Variants in RALGAPA2 observed in about 807,000 individuals in gnomAD.
RALGAPA2 encodes the protein Ral GTPase activating protein catalytic subunit alpha 2.
RALGAPA2 carries 139 observed loss-of-function variants against 230.4 expected under a neutral mutation model. The observed-to-expected ratio is 0.60, with a 90% CI of 0.53 to 0.69. The LOEUF (loss-of-function observed/expected upper bound fraction) is 0.69. Ranked by LOEUF, RALGAPA2 falls within the 30% of genes least tolerant of loss-of-function variation. The pLI, the probability that RALGAPA2 is intolerant of heterozygous loss-of-function variation, is 0.00. For synonymous variants in RALGAPA2, 847 were observed against 837.8 expected, an observed-to-expected ratio of 1.01 and a Z score of -0.19; for missense variants, 2,163 against 2,276.0, an observed-to-expected ratio of 0.95 and a Z score of 1.01.
chr20:20,515,124 A>G (rs1197519565), intron 31 of RALGAPA2, among the ~76,000 whole-genome samples: 1 of 152,194 alleles, frequency 6.6e-6, no homozygotes, highest in Non-Finnish European at 1.5e-5. Flanking sequence ...GGACCACTCC[A>G]TTGCCTGAGG....
intron 2 of RALGAPA2, among the ~76,000 whole-genome samples, chr20:20,678,813 C>T (rs905216089): frequency 2.6e-5 from 4 of 152,084 alleles, no homozygotes; most frequent in African/African-American, 9.7e-5. Flanking sequence ...GTTTGGCTTC[C>T]GACCTGCTCC....
At chr20:20,587,279 TG>T (rs577858197) in intron 18 of RALGAPA2, among the ~76,000 whole-genome samples, 1 of 151,168 alleles carries the variant, frequency 6.6e-6, no homozygotes, top group African/African-American at 2.4e-5. Context: ...GAGAAAGAGG[TG>T]GGAAAACTAT....
chr20:20,522,680 C>T (rs1419716521), intron 30 of RALGAPA2, among the ~76,000 whole-genome samples: 1 of 152,194 alleles, frequency 6.6e-6, no homozygotes, highest in Non-Finnish European at 1.5e-5. Flanking sequence ...CTTTCACTTA[C>T]AGACTGATGC....
chr20:20,554,306 C>T (rs2145781756), intron 23 of RALGAPA2, among the ~76,000 whole-genome samples: 1 of 152,290 alleles, frequency 6.6e-6, no homozygotes, highest in South Asian at 2.1e-4. Context: ...CAAGGTTCAT[C>T]CACGTTGTGG....
chr20:20,497,369 G>A (rs1342752472), intron 35 of RALGAPA2, among the ~76,000 whole-genome samples: 1 of 152,150 alleles, frequency 6.6e-6, no homozygotes, highest in African/African-American at 2.4e-5. Context: ...AACTGTAGGA[G>A]GAATTGAGAC....
In RALGAPA2 at chr20:20,603,542, C is replaced by T. The variant is rs6046954; in HGVS notation, c.2038+1633G>A. ...AAATGCACTTGAAAATTTGAGCTTA[C>T]CCTCTTACTGCCCCTGAAACTCTAA... On this transcript the variant is annotated intron_variant, in intron 15 of 39. Coordinates refer to ENST00000202677, the MANE Select transcript of RALGAPA2 (RefSeq NM_020343.4). 3.5e-3 allele frequency among the ~76,000 whole-genome samples: 530 copies of T among 152,282 alleles called. 5 individuals carry two copies. Among genetic ancestry groups the T allele is most frequent in the African/African-American group, 0.012 (500 of 41,560 alleles).
At chr20:20,592,839 T>A (rs2065334225) in intron 16 of RALGAPA2, among the ~76,000 whole-genome samples, 1 of 152,176 alleles carries the variant, frequency 6.6e-6, no homozygotes, top group Non-Finnish European at 1.5e-5. Flanking sequence ...ATTTTTTCTA[T>A]CCAAATGAAA....
intron 26 of RALGAPA2, 56 bp downstream of exon 26, chr20:20,535,689 C>T (rs1410567758): frequency 3.9e-6 from 6 of 1,519,758 alleles, no homozygotes; most frequent in African/African-American, 2.8e-5. Flanking sequence ...TAACTACTTA[C>T]ACATAAATGT....
chr20:20,434,677 T>C (rs964852933), intron 37 of RALGAPA2, among the ~76,000 whole-genome samples: 2 of 152,158 alleles, frequency 1.3e-5, no homozygotes, highest in African/African-American at 4.8e-5. Context: ...GGCTCATGCA[T>C]GTAATCCCAG....
chr20:20,632,306 A>G (rs6082073), intron 9 of RALGAPA2, among the ~76,000 whole-genome samples: 2 of 152,102 alleles, frequency 1.3e-5, no homozygotes, highest in African/African-American at 2.4e-5. Context: ...CTGGGATTAC[A>G]TGTGTGAGCC....
chr20:20,568,626 T>C (rs1416815846), intron 23 of RALGAPA2, among the ~76,000 whole-genome samples: 2 of 152,246 alleles, frequency 1.3e-5, no homozygotes, highest in South Asian at 2.1e-4. Flanking sequence ...GAAAATACTT[T>C]TTAGCATCTT....
At chr20:20,611,258 T>A (rs968708982) in intron 14 of RALGAPA2, 57 bp downstream of exon 14, 7 of 1,522,872 alleles carry the variant, frequency 4.6e-6, no homozygotes, top group Admixed American at 2.1e-5. Context: ...AAAACTAGTT[T>A]GCTACAAAAT....
chr20:20,619,992 A>G (rs371619750), intron 11 of RALGAPA2, among the ~76,000 whole-genome samples: 16 of 152,188 alleles, frequency 1.1e-4, no homozygotes, highest in African/African-American at 3.4e-4. Flanking sequence ...AGCGAGGCTT[A>G]AAGGGGAGGG....
intron 3 of RALGAPA2, among the ~76,000 whole-genome samples, chr20:20,658,708 T>C (rs535826761): frequency 1.1e-3 from 161 of 152,384 alleles, no homozygotes; most frequent in Non-Finnish European, 2.0e-3. Context: ...TATCCATAGT[T>C]CTTTTTTCTT....
chr20:20,558,267 A>C (rs559123815), intron 23 of RALGAPA2, among the ~76,000 whole-genome samples: 11 of 152,158 alleles, frequency 7.2e-5, no homozygotes, highest in Non-Finnish European at 1.2e-4. Context: ...CAGCCTCCCA[A>C]AGTGCTGGGA....
At position 20,583,065 on chromosome 20, in the gene RALGAPA2, C is replaced by G; in HGVS notation, c.2692G>C (p.Ala898Pro). 1 of 1,613,010 alleles carries G rather than the reference C, an allele frequency of 6.2e-7. No homozygotes were observed. Among genetic ancestry groups the G allele is most frequent in the Non-Finnish European group, 8.5e-7 (1 of 1,179,522 alleles). The change falls in exon 20 of 40, where the codon GCT (alanine) becomes CCT (proline). Residue 898 changes from alanine (A) to proline (P), a missense_variant. By Grantham distance (27) the Ala-to-Pro change is conservative. Transcript: ENST00000202677. ...RHWLQLSPTD[A>P]SNLTDSSECL... ...TGCAATTTACCTGTTAAATTTGAAG[C>G]ATCGGTGGGACTCAGTTGTAACCAA...
chr20:20,599,471 T>C (rs2065566454), intron 16 of RALGAPA2, among the ~76,000 whole-genome samples: 1 of 152,214 alleles, frequency 6.6e-6, no homozygotes, highest in Non-Finnish European at 1.5e-5. Context: ...AGGAATTGAA[T>C]GAACATAGGA....
chr20:20,465,054 A>G (rs940361712), intron 37 of RALGAPA2, among the ~76,000 whole-genome samples: 3 of 152,004 alleles, frequency 2.0e-5, no homozygotes, highest in African/African-American at 4.8e-5. Flanking sequence ...TTGAAAAAGT[A>G]TCATTTTATA....
chr20:20,394,560 C>G (rs369419497), intron 39 of RALGAPA2, among the ~76,000 whole-genome samples: 3 of 151,878 alleles, frequency 2.0e-5, no homozygotes, highest in Non-Finnish European at 4.4e-5. Context: ...GGATTTTGAG[C>G]CTGGGAGGTC....
Sources: allele counts gnomAD v4.1 joint callset (sites outside exome capture counted in the v4.1 genomes callset), GRCh38; gene constraint gnomAD v4.1.1; transcripts MANE v1.5; gene names NCBI Gene and HGNC (gene_info 2026-07-23, HGNC 2026-07-21).